KANK1: variants seen among roughly 807,000 people sequenced by gnomAD.
KANK1 encodes the protein KN motif and ankyrin repeat domain-containing protein 1.
A neutral mutation model predicts 106.2 loss-of-function variants in KANK1; 109 were observed. The ratio of observed to expected loss-of-function variants is 1.03; its 90% CI spans 0.88 to 1.20. The LOEUF (loss-of-function observed/expected upper bound fraction) is 1.20, where lower values mean the gene tolerates loss of function less well. Ranked by LOEUF, KANK1 falls within the 50% of genes most tolerant of loss-of-function variation. KANK1 has a pLI of 0.00. For missense variants in KANK1, 2,399 were observed against 1,710.7 expected (o/e 1.40, Z -7.10); for synonymous variants, 873 against 652.2 (o/e 1.34, Z -5.16).
In KANK1 at chr9:485,204, G is replaced by A. The variant is rs938842639; in HGVS notation, c.-362+11931G>A. 3.3e-5 allele frequency among the ~76,000 whole-genome samples: 5 copies of A among 152,170 alleles called. No homozygotes were observed. In the South Asian group the frequency reaches 1.0e-3, roughly 31 times the overall value. ...TGGTATTCAGGCCTGGCCAATCAGA[G>A]CATCACATTCCTCTGATCCAGTGAT... is the stretch of plus-strand genomic sequence containing the variant. On this transcript the variant is annotated intron_variant, in intron 3 of 15. Transcript: ENST00000382303.
intron 1 of KANK1, among the ~76,000 whole-genome samples, chr9:548,420 C>G (rs1199564912): frequency 6.6e-6 from 1 of 152,152 alleles, no homozygotes; most frequent in African/African-American, 2.4e-5. Flanking sequence ...TTGGTACTTA[C>G]TTCTTTGGCT....
At chr9:677,934 T>G (rs1225717510) in intron 2 of KANK1, among the ~76,000 whole-genome samples, 2 of 152,196 alleles carry the variant, frequency 1.3e-5, no homozygotes, top group East Asian at 1.9e-4. Context: ...TATATCCACC[T>G]GCCGGTTTAG....
At chr9:614,917 C>A (rs528923213) in intron 1 of KANK1, among the ~76,000 whole-genome samples, 3 of 152,030 alleles carry the variant, frequency 2.0e-5, no homozygotes, top group Non-Finnish European at 4.4e-5. Context: ...TAATATAGTA[C>A]AAAATTGTAC....
rs1564046791 is a variant in KANK1 at position 712,238 on chromosome 9, A to G, written c.1472A>G (p.Glu491Gly). The G allele has an allele frequency of 6.2e-7, 1 of 1,614,170 alleles. No homozygotes were observed. The highest frequency in any genetic ancestry group is 8.5e-7 in the Non-Finnish European group (1 of 1,180,026). Residue 491 changes from glutamate (E) to glycine (G), a missense_variant, in exon 3 of 12, where the codon GAG (glutamate) becomes GGG (glycine). Coordinates refer to ENST00000382297, the MANE Select transcript of KANK1 (RefSeq NM_015158.5). ...CGGGAGATGACTAAACTGAAACAAG[A>G]GCTGCAGGCTGCTGGATCGAGGAAA... is the stretch of plus-strand genomic sequence containing the variant. ...HDREMTKLKQ[E>G]LQAAGSRKKV...
At chr9:704,901 G>T (rs1449705629) in intron 2 of KANK1, among the ~76,000 whole-genome samples, 1 of 151,000 alleles carries the variant, frequency 6.6e-6, no homozygotes, top group Admixed American at 6.6e-5. Context: ...GCTGAGGCGG[G>T]AGGATCACTT....
intron 1 of KANK1, among the ~76,000 whole-genome samples, chr9:635,494 C>G (rs1336585458): frequency 6.6e-6 from 1 of 151,664 alleles, no homozygotes; most frequent in Non-Finnish European, 1.5e-5. Context: ...AGACTAATAC[C>G]ACGCACAGAT....
intron 1 of KANK1, among the ~76,000 whole-genome samples, chr9:510,121 C>A (rs552149948): frequency 1.3e-5 from 2 of 152,210 alleles, no homozygotes; most frequent in Non-Finnish European, 2.9e-5. Context: ...TCTAAGAAAT[C>A]TTTAAATTGC....
chr9:726,630 T>A (rs114830631), intron 3 of KANK1, among the ~76,000 whole-genome samples: 2,486 of 151,228 alleles, frequency 0.016, 62 homozygotes, highest in African/African-American at 0.057. Context: ...AGAGTAAGAC[T>A]CTGTCTCGAA....
chr9:655,155 C>T (rs1165255434), intron 1 of KANK1, among the ~76,000 whole-genome samples: 1 of 152,012 alleles, frequency 6.6e-6, no homozygotes, highest in African/African-American at 2.4e-5. Flanking sequence ...GGATCACCTG[C>T]GGTCAGGAGC....
intron 1 of KANK1, among the ~76,000 whole-genome samples, chr9:526,930 AAT>A (rs1264703752): frequency 2.0e-5 from 3 of 151,776 alleles, no homozygotes; most frequent in Admixed American, 2.0e-4. Context: ...CTGTAATATT[AAT>A]ATGATTTTTG....
At chr9:493,018 A>C (rs954849963) in intron 3 of KANK1, among the ~76,000 whole-genome samples, 2 of 143,258 alleles carry the variant, frequency 1.4e-5, no homozygotes, top group East Asian at 4.1e-4. Flanking sequence ...ACAAGAACAA[A>C]ACTCCGTCTC....
intron 9 of KANK1, 56 bp from the exon 10 acceptor site, chr9:742,149 G>T: frequency 2.0e-6 from 3 of 1,478,726 alleles, no homozygotes; most frequent in Non-Finnish European, 2.8e-6. Context: ...CCCACTAGAG[G>T]CCACCACTGC....
chr9:488,926 G>A (rs1206968445), intron 3 of KANK1: 1 of 151,944 alleles, frequency 6.6e-6, no homozygotes, highest in African/African-American at 2.4e-5. Flanking sequence ...AAAAAGTACT[G>A]GAATAGAAGT....
intron 1 of KANK1, among the ~76,000 whole-genome samples, chr9:652,820 TC>T (rs1482430784): frequency 6.6e-6 from 1 of 152,184 alleles, no homozygotes; most frequent in African/African-American, 2.4e-5. Context: ...GTCATGCATT[TC>T]TTTATTGTTG....
chr9:603,356 A>G (rs1212567250), intron 1 of KANK1, among the ~76,000 whole-genome samples: 2 of 151,908 alleles, frequency 1.3e-5, no homozygotes, highest in East Asian at 3.8e-4. Flanking sequence ...TTATCTTTGC[A>G]GCAATAAGAA....
At chr9:592,799 C>G (rs980958747) in intron 1 of KANK1, among the ~76,000 whole-genome samples, 1 of 151,866 alleles carries the variant, frequency 6.6e-6, no homozygotes, top group Non-Finnish European at 1.5e-5. Context: ...ATTAGAGAGT[C>G]CTTACTCAAA....
intron 1 of KANK1, among the ~76,000 whole-genome samples, chr9:535,013 C>T (rs1157195198): frequency 6.6e-6 from 1 of 152,144 alleles, no homozygotes. Context: ...CCCTTTGCCC[C>T]TCCTGCTGGG....
Position 744,588 on chromosome 9 carries a change from C to A in KANK1, c.3995C>A (p.Pro1332Gln), listed in dbSNP as rs143775530. 161 of 1,613,970 alleles carry A rather than the reference C, an allele frequency of 1.0e-4. No homozygotes were observed. Among genetic ancestry groups the A allele is most frequent in the Non-Finnish European group, 1.3e-4 (148 of 1,180,022 alleles). The change falls in exon 11 of 12, where the codon CCG becomes CAG. Residue 1332 changes from proline to glutamine, a missense_variant and splice_region_variant. Physicochemically the swap from Pro to Gln is moderately conservative, Grantham distance 76 (BLOSUM62 -1). Coordinates refer to ENST00000382297, the MANE Select transcript of KANK1 (RefSeq NM_015158.5). Reference sequence around the variant, plus strand: ...GTCAACTTTGCAAAAGCCCAGTCTCCGGTCAGTGTTGTGCATTTGGCATTT... The same window carrying A: ...GTCAACTTTGCAAAAGCCCAGTCTCAGGTCAGTGTTGTGCATTTGGCATTT... ...AHVNFAKAQS[P>Q]GTPRLGRKTS...
At chr9:652,835 AT>A (rs1841217236) in intron 1 of KANK1, among the ~76,000 whole-genome samples, 1 of 152,176 alleles carries the variant, frequency 6.6e-6, no homozygotes, top group African/African-American at 2.4e-5. Flanking sequence ...ATTGTTGAAT[AT>A]TTAGTACTAG....
Sources: gnomAD v4.1 joint callset for allele counts (sites outside exome capture counted in the v4.1 genomes callset) on GRCh38, gnomAD v4.1.1 for gene constraint, MANE v1.5 for transcripts, NCBI Gene and HGNC (gene_info 2026-07-23, HGNC 2026-07-21) for gene names.